Variants in NKAIN2 observed in about 807,000 individuals in gnomAD.
The protein encoded by NKAIN2 is sodium/potassium transporting ATPase interacting 2.
NKAIN2 carries 14 observed loss-of-function variants against 32.6 expected under a neutral mutation model. The observed-to-expected ratio is 0.43, with a 90% confidence interval of 0.28 to 0.67. The LOEUF (loss-of-function observed/expected upper bound fraction) is 0.67, where lower values mean the gene tolerates loss of function less well. Among genes scored for constraint, NKAIN2 ranks in the 30% least tolerant of loss-of-function variants. The pLI, the probability that NKAIN2 is intolerant of heterozygous loss-of-function variation, is 0.17. For missense variants in NKAIN2, 198 were observed against 258.3 expected (o/e 0.77, Z 1.60); for synonymous variants, 80 against 87.2 (o/e 0.92, Z 0.46).
intron 3 of NKAIN2, among the ~76,000 whole-genome samples, chr6:124,371,886 C>T (rs910556251): frequency 5.9e-5 from 9 of 151,878 alleles, no homozygotes; most frequent in Non-Finnish European, 1.0e-4. Context: ...TCCATTCTGT[C>T]GAGTATTGCA....
chr6:124,191,874 A>AT (rs1790036970), intron 1 of NKAIN2, among the ~76,000 whole-genome samples: 2 of 151,780 alleles, frequency 1.3e-5, no homozygotes, highest in South Asian at 4.1e-4. Context: ...ATAATCCTTC[A>AT]TTTTTTCTAA....
chr6:124,447,375 A>C (rs1302043926), intron 3 of NKAIN2, among the ~76,000 whole-genome samples: 2 of 152,160 alleles, frequency 1.3e-5, no homozygotes, highest in South Asian at 4.1e-4. Flanking sequence ...TAAGGTTAAA[A>C]TATATTTAAG....
rs1379685282 is a variant in NKAIN2 at position 123,816,782 on chromosome 6, G to T, written c.54+12528G>T. ...AGAAGAGGTGAGAGGTAAGGTGGTG[G>T]TGGTAAGAGACAAGAACAGAAGTCT... On this transcript the variant is annotated intron_variant, in intron 1 of 6. Coordinates refer to ENST00000368417, the MANE Select transcript of NKAIN2 (RefSeq NM_001040214.3). 2.6e-5 allele frequency among the ~76,000 whole-genome samples: 4 copies of T among 152,158 alleles called. No individual in the cohort carries two copies. The East Asian group carries it at 7.7e-4, about 29-fold the overall frequency.
At position 124,334,945 on chromosome 6, in the gene NKAIN2, T is replaced by TA. The variant is rs554404243; in HGVS notation, c.193-20322_193-20321insA. Among the ~76,000 whole-genome samples, 14 of 152,324 alleles carry TA rather than the reference T, an allele frequency of 9.2e-5. 1 individual carries two copies. Among genetic ancestry groups the TA allele is most frequent in the Admixed American group, 9.1e-4 (14 of 15,306 alleles). ...AAGATGGAGTCAGTTAGGTCAGATC[T>TA]TTTTCACTGTCATAACTTTCTCACT... On this transcript the variant is annotated intron_variant, in intron 2 of 6. Coordinates refer to ENST00000368417, the MANE Select transcript of NKAIN2 (RefSeq NM_001040214.3).
At chr6:124,598,559 A>C (rs1387972140) in intron 3 of NKAIN2, among the ~76,000 whole-genome samples, 1 of 151,892 alleles carries the variant, frequency 6.6e-6, no homozygotes, top group Non-Finnish European at 1.5e-5. Flanking sequence ...CTTGCATGCT[A>C]TTGCCCAAAG....
intron 1 of NKAIN2, among the ~76,000 whole-genome samples, chr6:124,005,898 C>T (rs1780055856): frequency 6.6e-6 from 1 of 152,150 alleles, no homozygotes; most frequent in Non-Finnish European, 1.5e-5. Flanking sequence ...TCATTCTTCT[C>T]ATTTCTACTG....
At chr6:124,296,833 C>A (rs1415038523) in intron 2 of NKAIN2, among the ~76,000 whole-genome samples, 1 of 152,156 alleles carries the variant, frequency 6.6e-6, no homozygotes, top group Non-Finnish European at 1.5e-5. Flanking sequence ...AGAACCTTTA[C>A]TGGGCTTCTT....
intron 3 of NKAIN2, among the ~76,000 whole-genome samples, chr6:124,630,242 A>G (rs1783511951): frequency 6.6e-6 from 1 of 152,162 alleles, no homozygotes; most frequent in African/African-American, 2.4e-5. Flanking sequence ...CAGAGTGGCT[A>G]AGAAACAAGA....
At chr6:124,370,593 T>G (rs1322457587) in intron 3 of NKAIN2, among the ~76,000 whole-genome samples, 3 of 152,142 alleles carry the variant, frequency 2.0e-5, no homozygotes, top group Non-Finnish European at 4.4e-5. Flanking sequence ...AATGTCATCT[T>G]TCTTATGTGT....
intron 2 of NKAIN2, among the ~76,000 whole-genome samples, chr6:124,317,631 T>C (rs558895244): frequency 6.6e-6 from 1 of 152,174 alleles, no homozygotes; most frequent in South Asian, 2.1e-4. Flanking sequence ...TTAACTTATA[T>C]ACTATTTTAA....
chr6:124,624,061 A>G (rs1783209706), intron 3 of NKAIN2, among the ~76,000 whole-genome samples: 1 of 152,176 alleles, frequency 6.6e-6, no homozygotes, highest in Admixed American at 6.5e-5. Flanking sequence ...TCCTGTTATT[A>G]GAAGAAAGAA....
chr6:124,153,096 A>C (rs1787812384), intron 1 of NKAIN2, among the ~76,000 whole-genome samples: 1 of 151,888 alleles, frequency 6.6e-6, no homozygotes, highest in African/African-American at 2.4e-5. Flanking sequence ...GTATAGTAGG[A>C]AAATGACAGT....
chr6:123,925,643 C>A (rs962360849), intron 1 of NKAIN2, among the ~76,000 whole-genome samples: 7 of 152,112 alleles, frequency 4.6e-5, no homozygotes, highest in African/African-American at 1.7e-4. Flanking sequence ...TTGGTTAGGT[C>A]TGCATGTGAA....
At chr6:123,955,514 C>A (rs1281775800) in intron 1 of NKAIN2, among the ~76,000 whole-genome samples, 1 of 151,640 alleles carries the variant, frequency 6.6e-6, no homozygotes, top group Admixed American at 6.6e-5. Flanking sequence ...GTACAGAGTA[C>A]TGAAGAAAAT....
chr6:124,003,402 C>G (rs888145737), intron 1 of NKAIN2, among the ~76,000 whole-genome samples: 1 of 152,122 alleles, frequency 6.6e-6, no homozygotes, highest in Non-Finnish European at 1.5e-5. Context: ...ATGAAAGAAC[C>G]CATATTTCAC....
intron 1 of NKAIN2, among the ~76,000 whole-genome samples, chr6:124,142,630 G>A (rs1271675070): frequency 6.6e-6 from 1 of 152,090 alleles, no homozygotes; most frequent in African/African-American, 2.4e-5. Flanking sequence ...AATAATGCGA[G>A]TATCTTTGTG....
intron 1 of NKAIN2, among the ~76,000 whole-genome samples, chr6:124,186,752 CA>C (rs1466309465): frequency 6.6e-6 from 1 of 152,088 alleles, no homozygotes; most frequent in Non-Finnish European, 1.5e-5. Context: ...TCCATGTATT[CA>C]TTTTAAATTA....
At chr6:124,110,228 C>G (rs1309166646) in intron 1 of NKAIN2, among the ~76,000 whole-genome samples, 1 of 151,134 alleles carries the variant, frequency 6.6e-6, no homozygotes, top group African/African-American at 2.4e-5. Context: ...TAATTTGACA[C>G]AGGCACATCA....
At position 123,895,146 on chromosome 6, in the gene NKAIN2, C is replaced by T. The variant is rs7745453; in HGVS notation, c.54+90892C>T. On this transcript the variant is annotated intron_variant, in intron 1 of 6. Coordinates refer to ENST00000368417, the MANE Select transcript of NKAIN2 (RefSeq NM_001040214.3). ...TACAAACTCTCCTTCCCTTTCTTCT[C>T]TCTTTCCTCAGTTCTCTCTTTCTTT... 7.9e-3 allele frequency among the ~76,000 whole-genome samples: 1,191 copies of T among 151,330 alleles called. 11 individuals carry two copies. The highest frequency in any genetic ancestry group is 0.027 in the African/African-American group (1,114 of 41,158).
Sources: gnomAD v4.1 joint callset for allele counts (sites outside exome capture counted in the v4.1 genomes callset) on GRCh38, gnomAD v4.1.1 for gene constraint, MANE v1.5 for transcripts, NCBI Gene and HGNC (gene_info 2026-07-23, HGNC 2026-07-21) for gene names.